TMCC1: variants seen among roughly 807,000 people sequenced by gnomAD.
The protein encoded by TMCC1 is transmembrane and coiled-coil domain family 1, also known as transmembrane and coiled-coil domains protein 1.
In TMCC1, 15 loss-of-function variants were observed where a neutral mutation model predicts 52.4. The ratio of observed to expected loss-of-function variants is 0.29; its 90% CI spans 0.19 to 0.44. The LOEUF (loss-of-function observed/expected upper bound fraction) is 0.44. TMCC1 is among the 20% of genes least tolerant of loss of function. TMCC1 has a pLI of 1.00. For missense variants in TMCC1, 503 were observed against 806.0 expected (o/e 0.62, Z 4.55); for synonymous variants, 279 against 301.9 (o/e 0.92, Z 0.79).
chr3:129,830,975 C>T (rs552800511), intron 3 of TMCC1, among the ~76,000 whole-genome samples: 1 of 152,226 alleles, frequency 6.6e-6, no homozygotes, highest in African/African-American at 2.4e-5. Context: ...TGCTCTTTCA[C>T]CCAGGCTGGA....
intron 4 of TMCC1, among the ~76,000 whole-genome samples, chr3:129,809,750 T>C (rs2057695918): frequency 1.3e-5 from 2 of 152,236 alleles, no homozygotes; most frequent in Admixed American, 1.3e-4. Flanking sequence ...TTTTGGTATT[T>C]TCCATACTGA....
chr3:129,876,697 G>A (rs784693), intron 2 of TMCC1, among the ~76,000 whole-genome samples: 2,161 of 152,246 alleles, frequency 0.014, 53 homozygotes, highest in African/African-American at 0.049. Flanking sequence ...GCTCACGCCT[G>A]TAATCCCAGC....
intron 4 of TMCC1, among the ~76,000 whole-genome samples, chr3:129,689,863 GT>G (rs2089666602): frequency 6.6e-6 from 1 of 152,150 alleles, no homozygotes; most frequent in African/African-American, 2.4e-5. Flanking sequence ...TTTAATAGAA[GT>G]TTTGTTTTCA....
chr3:129,877,518 TTAAATA>T (rs2061272087), intron 2 of TMCC1, among the ~76,000 whole-genome samples: 1 of 152,200 alleles, frequency 6.6e-6, no homozygotes, highest in African/African-American at 2.4e-5. Flanking sequence ...CTTTCTGGAT[TTAAATA>T]TAATCTATTT....
At chr3:129,885,163 C>T (rs569214244) in intron 1 of TMCC1, among the ~76,000 whole-genome samples, 85 of 151,772 alleles carry the variant, frequency 5.6e-4, no homozygotes, top group Non-Finnish European at 1.0e-3. Flanking sequence ...AATAAATAAG[C>T]TACAGCAAAG....
intron 2 of TMCC1, among the ~76,000 whole-genome samples, chr3:129,852,796 G>A (rs2059975407): frequency 6.6e-6 from 1 of 152,092 alleles, no homozygotes; most frequent in Admixed American, 6.5e-5. Context: ...GCCAAACAAT[G>A]CCTATTTTGT....
intron 5 of TMCC1, among the ~76,000 whole-genome samples, chr3:129,663,239 CTG>C (rs2087177370): frequency 6.6e-6 from 1 of 152,134 alleles, no homozygotes; most frequent in Admixed American, 6.6e-5. Context: ...GGAGCCATCT[CTG>C]AGAACCAATG....
At chr3:129,717,354 T>C (rs1174504218) in intron 4 of TMCC1, among the ~76,000 whole-genome samples, 6 of 152,238 alleles carry the variant, frequency 3.9e-5, no homozygotes. Flanking sequence ...ATTTCCATAC[T>C]TGGTTTTCCA....
chr3:129,697,683 G>A (rs2047513344), intron 4 of TMCC1, among the ~76,000 whole-genome samples: 1 of 152,118 alleles, frequency 6.6e-6, no homozygotes, highest in Admixed American at 6.6e-5. Flanking sequence ...TTGCCACTTA[G>A]AAATTTCTTC....
chr3:129,734,084 G>T (rs1388106157), intron 4 of TMCC1, among the ~76,000 whole-genome samples: 2 of 152,186 alleles, frequency 1.3e-5, no homozygotes, highest in East Asian at 3.9e-4. Flanking sequence ...ATATACTAGA[G>T]AAACTCCATA....
At chr3:129,687,309 A>G (rs1407567967) in intron 4 of TMCC1, among the ~76,000 whole-genome samples, 1 of 152,236 alleles carries the variant, frequency 6.6e-6, no homozygotes, top group Non-Finnish European at 1.5e-5. Flanking sequence ...GAAAAAAAAC[A>G]TAAGAAATAA....
intron 4 of TMCC1, among the ~76,000 whole-genome samples, chr3:129,785,403 C>T (rs1300792674): frequency 2.0e-5 from 3 of 152,126 alleles, no homozygotes; most frequent in Non-Finnish European, 2.9e-5. Flanking sequence ...TGGGTGTTAT[C>T]TAAATACAGT....
chr3:129,656,461 T>C (rs1265125670), intron 5 of TMCC1, among the ~76,000 whole-genome samples: 2 of 152,258 alleles, frequency 1.3e-5, no homozygotes, highest in Non-Finnish European at 2.9e-5. Flanking sequence ...ATCTCCTTTC[T>C]TTCTTCTTTT....
At chr3:129,714,928 T>C (rs1039291203) in intron 4 of TMCC1, among the ~76,000 whole-genome samples, 10 of 152,234 alleles carry the variant, frequency 6.6e-5, no homozygotes, top group Non-Finnish European at 1.2e-4. Context: ...TCCTATTTCC[T>C]GGGCTTACAG....
intron 4 of TMCC1, among the ~76,000 whole-genome samples, chr3:129,728,146 G>C (rs1347504814): frequency 1.3e-5 from 2 of 152,136 alleles, no homozygotes; most frequent in Non-Finnish European, 2.9e-5. Context: ...GGGACATTTA[G>C]GGATATAAAA....
chr3:129,697,316 C>A (rs1431061614), intron 4 of TMCC1, among the ~76,000 whole-genome samples: 1 of 152,186 alleles, frequency 6.6e-6, no homozygotes, highest in African/African-American at 2.4e-5. Context: ...CTTCACCCTC[C>A]AAAGCCATGG....
intron 4 of TMCC1, among the ~76,000 whole-genome samples, chr3:129,797,090 C>T (rs2056878880): frequency 6.6e-6 from 1 of 152,164 alleles, no homozygotes; most frequent in Non-Finnish European, 1.5e-5. Flanking sequence ...CTTTGGGAGG[C>T]TGAGGCAGGT....
intron 2 of TMCC1, among the ~76,000 whole-genome samples, chr3:129,870,163 A>G (rs956130013): frequency 6.6e-6 from 1 of 152,040 alleles, no homozygotes; most frequent in Non-Finnish European, 1.5e-5. Flanking sequence ...ACATGTACCT[A>G]TCTAGTATTC....
intron 4 of TMCC1, among the ~76,000 whole-genome samples, chr3:129,807,207 G>A (rs2057517106): frequency 6.6e-6 from 1 of 152,094 alleles, no homozygotes; most frequent in Admixed American, 6.6e-5. Flanking sequence ...TATAATTTAG[G>A]ACAGGAGGAG....
Sources: allele counts gnomAD v4.1 joint callset (sites outside exome capture counted in the v4.1 genomes callset), GRCh38; gene constraint gnomAD v4.1.1; transcripts MANE v1.5; gene names NCBI Gene and HGNC (gene_info 2026-07-23, HGNC 2026-07-21).